The following DTNBP1 variants were observed in gnomAD, a reference collection of about 807,000 sequenced individuals.
The protein encoded by DTNBP1 is dysbindin.
Under a neutral mutation model 42.8 loss-of-function variants are expected in DTNBP1, and 35 were observed. The ratio of observed to expected loss-of-function variants is 0.82; its 90% CI spans 0.63 to 1.09. The LOEUF (loss-of-function observed/expected upper bound fraction) is 1.09, where lower values mean the gene tolerates loss of function less well. Among genes scored for constraint, DTNBP1 ranks in the 50% least tolerant of loss-of-function variants. The pLI, the probability that DTNBP1 is intolerant of heterozygous loss-of-function variation, is 0.00. For missense variants in DTNBP1, 457 were observed against 424.2 expected, an observed-to-expected ratio of 1.08 and a Z score of -0.68; for synonymous variants, 171 against 162.2, an observed-to-expected ratio of 1.05 and a Z score of -0.41.
At chr6:15,560,791 C>T (rs1774800585) in intron 7 of DTNBP1, among the ~76,000 whole-genome samples, 1 of 152,190 alleles carries the variant, frequency 6.6e-6, no homozygotes, top group African/African-American at 2.4e-5. Context: ...AACAATTTAT[C>T]CAACTCACAC....
chr6:15,550,953 CCTTT>C (rs1774178083), intron 7 of DTNBP1, among the ~76,000 whole-genome samples: 1 of 152,176 alleles, frequency 6.6e-6, no homozygotes, highest in Non-Finnish European at 1.5e-5. Context: ...AATTTTGTCA[CCTTT>C]CTTGAGATTT....
intron 4 of DTNBP1, among the ~76,000 whole-genome samples, chr6:15,631,058 C>A (rs1457575988): frequency 6.6e-6 from 1 of 152,024 alleles, no homozygotes; most frequent in Admixed American, 6.6e-5. Flanking sequence ...ATTTGTTAAA[C>A]AAGATGGAAT....
At chr6:15,553,864 C>T (rs9476845) in intron 7 of DTNBP1, among the ~76,000 whole-genome samples, 18,994 of 151,904 alleles carry the variant, frequency 0.13, 1,482 homozygotes, top group African/African-American at 0.22. Context: ...ACAGGAGGAT[C>T]GCTCTCACCT....
intron 1 of DTNBP1, among the ~76,000 whole-genome samples, chr6:15,655,448 A>G (rs756121732): frequency 9.9e-5 from 15 of 152,184 alleles, no homozygotes; most frequent in Non-Finnish European, 1.8e-4. Flanking sequence ...AATAACAAAA[A>G]CAATCTTTTA....
rs1033683863 is a variant in DTNBP1 at position 15,614,209 on chromosome 6, C to T, written c.488+1058G>A. ...AGATTTTAACATCAATACAATAATC[C>T]ACCTCACCTATGTATTAGCTTCATT... is the stretch of plus-strand genomic sequence containing the variant. On this transcript the variant is annotated intron_variant, in intron 6 of 9. Transcript: ENST00000344537. Among the ~76,000 whole-genome samples the T allele has an allele frequency of 3.9e-5, 6 of 152,014 alleles. No individual in the cohort carries two copies. In the South Asian group the frequency reaches 6.2e-4, roughly 16 times the overall value.
In DTNBP1 at chr6:15,533,242, C is replaced by T. The variant is rs753238222; in HGVS notation, c.665G>A (p.Arg222Gln). ...CAGCAGCCCCAGCCCCCACTCGCCT[C>T]GCCGCTCTGCAATCTGCAGGTAGCC... is the stretch of plus-strand genomic sequence containing the variant. ...STGYLQIAER[R>Q]EPIGSMSSME... The change falls in exon 8 of 10, where the codon CGA (arginine) becomes CAA (glutamine). Residue 222 changes from arginine to glutamine, a missense_variant and splice_region_variant. By Grantham distance (43) the Arg-to-Gln change is conservative. Transcript: ENST00000344537. 19 of 1,613,642 alleles carry T rather than the reference C, an allele frequency of 1.2e-5. No homozygotes were observed. The highest frequency in any genetic ancestry group is 2.7e-5 in the African/African-American group (2 of 74,904).
chr6:15,585,981 C>CA, intron 7 of DTNBP1: 2 of 1,296,070 alleles, frequency 1.5e-6, no homozygotes, highest in Non-Finnish European at 2.0e-6. Context: ...TCTATAAAAG[C>CA]AAAATGCAAG....
intron 7 of DTNBP1, among the ~76,000 whole-genome samples, chr6:15,557,403 G>A (rs1387275312): frequency 3.3e-5 from 5 of 152,008 alleles, no homozygotes; most frequent in Non-Finnish European, 7.4e-5. Context: ...AAAGTTAAAG[G>A]GGTAATATTC....
intron 8 of DTNBP1, among the ~76,000 whole-genome samples, chr6:15,525,231 C>T (rs941497573): frequency 5.3e-5 from 8 of 152,248 alleles, no homozygotes; most frequent in Non-Finnish European, 1.0e-4. Flanking sequence ...CACCAGCAGA[C>T]GGCGACCCCA....
At chr6:15,539,566 C>T (rs1431643355) in intron 7 of DTNBP1, among the ~76,000 whole-genome samples, 3 of 152,224 alleles carry the variant, frequency 2.0e-5, no homozygotes, top group Admixed American at 2.0e-4. Context: ...TCTCAGGGAA[C>T]CTAGCCAGCA....
intron 7 of DTNBP1, among the ~76,000 whole-genome samples, chr6:15,575,521 C>G (rs1021954052): frequency 6.6e-6 from 1 of 152,152 alleles, no homozygotes; most frequent in Non-Finnish European, 1.5e-5. Flanking sequence ...ATGGAATCAG[C>G]AAAAGTTGCA....
intron 7 of DTNBP1, among the ~76,000 whole-genome samples, chr6:15,564,065 G>GAA (rs201105772): frequency 8.6e-5 from 10 of 116,196 alleles, no homozygotes; most frequent in African/African-American, 1.9e-4. Flanking sequence ...CTTGGTCTCG[G>GAA]AAAAAAAAAA....
intron 7 of DTNBP1, among the ~76,000 whole-genome samples, chr6:15,550,154 C>T (rs1357804880): frequency 6.6e-6 from 1 of 152,102 alleles, no homozygotes; most frequent in Non-Finnish European, 1.5e-5. Flanking sequence ...GCTAGATTTC[C>T]TTGGATTTTG....
At chr6:15,527,906 TAA>T (rs1372819753) in intron 8 of DTNBP1, among the ~76,000 whole-genome samples, 4 of 151,986 alleles carry the variant, frequency 2.6e-5, no homozygotes, top group Non-Finnish European at 5.9e-5. Flanking sequence ...CGAGAAATAG[TAA>T]ATCTCTATAA....
intron 4 of DTNBP1, among the ~76,000 whole-genome samples, chr6:15,629,737 T>C (rs991318470): frequency 1.3e-5 from 2 of 152,186 alleles, no homozygotes; most frequent in African/African-American, 2.4e-5. Flanking sequence ...ACCTCCATTA[T>C]ACAGATTTTA....
At chr6:15,590,850 A>C (rs1776270425) in intron 7 of DTNBP1, among the ~76,000 whole-genome samples, 1 of 152,208 alleles carries the variant, frequency 6.6e-6, no homozygotes, top group Non-Finnish European at 1.5e-5. Flanking sequence ...TACATTACTA[A>C]CTTTGAGGGT....
At chr6:15,573,511 A>G (rs1487996819) in intron 7 of DTNBP1, among the ~76,000 whole-genome samples, 1 of 152,156 alleles carries the variant, frequency 6.6e-6, no homozygotes, top group Non-Finnish European at 1.5e-5. Flanking sequence ...TAAAAGACAA[A>G]GAAGCAGCCT....
At chr6:15,536,732 G>A (rs1017105294) in intron 7 of DTNBP1, among the ~76,000 whole-genome samples, 8 of 152,228 alleles carry the variant, frequency 5.3e-5, no homozygotes, top group African/African-American at 1.4e-4. Context: ...ACTGCCTAGT[G>A]GAGCTGTGAG....
Position 15,522,817 on chromosome 6 carries a change from TCA to T in DTNBP1, c.*156_*157del. 1.5e-6 allele frequency: 2 copies of T among 1,318,356 alleles called. No homozygotes were observed. Among genetic ancestry groups the T allele is most frequent in the Non-Finnish European group, 2.1e-6 (2 of 940,098 alleles). 81.7% of individuals were successfully genotyped at this position (1,318,356 alleles called of 1,614,324 possible). A position where few individuals can be genotyped will look rare whatever the true frequency, so the allele number is the denominator to read the frequency against. ...TCTGTGCGCTCTCAGTTTACCGTCC[TCA>T]CACTTTATTGTTAGCTGTTCTTTAA... On this transcript the variant is annotated 3_prime_UTR_variant, in exon 10 of 10. Transcript: ENST00000344537.
Sources: allele counts gnomAD v4.1 joint callset (sites outside exome capture counted in the v4.1 genomes callset), GRCh38; gene constraint gnomAD v4.1.1; transcripts MANE v1.5; gene names NCBI Gene and HGNC (gene_info 2026-07-23, HGNC 2026-07-21).